Variants in MCPH1 observed in about 807,000 individuals in gnomAD.
MCPH1 encodes the protein microcephalin.
In MCPH1, 104 loss-of-function variants were observed where a neutral mutation model predicts 84.5. That is an observed-to-expected ratio of 1.23 (90% CI 1.05 to 1.45). The LOEUF is 1.45. MCPH1 is among the 40% of genes most tolerant of loss of function. The probability of loss-of-function intolerance (pLI) is 0.00; values close to 1 mark genes in which losing one functional copy is unlikely to be tolerated. For synonymous variants in MCPH1, 514 were observed against 366.8 expected, an observed-to-expected ratio of 1.40 and a Z score of -4.58; for missense variants, 1,498 against 1,005.7, an observed-to-expected ratio of 1.49 and a Z score of -6.62.
At position 6,444,617 on chromosome 8, in the gene MCPH1, GA is replaced by G. The variant is rs778290632; in HGVS notation, c.898del (p.Ile300Ter). 6.2e-7 allele frequency: 1 copy of G among 1,614,146 alleles called. No homozygotes were observed. The highest frequency in any genetic ancestry group is 8.5e-7 in the Non-Finnish European group (1 of 1,180,026). On this transcript the variant is annotated frameshift_variant, in exon 8 of 14. Transcript: ENST00000344683. LOFTEE classifies it high-confidence loss of function. ...QKFLSNLSKE[E>X]INLQRNIAGK... The stretch of plus-strand genomic sequence containing the variant: ...ATTTCTGAGTAATCTTTCAAAGGAA[GA>G]AATAAACTTGCAAAGAAATATTGCA...
At chr8:6,449,813 G>A (rs1385996693) in intron 8 of MCPH1, among the ~76,000 whole-genome samples, 5 of 152,084 alleles carry the variant, frequency 3.3e-5, no homozygotes, top group East Asian at 1.9e-4. Context: ...GTGGAAATGT[G>A]TCCCACCTGA....
chr8:6,612,421 T>G (rs990741544), intron 12 of MCPH1, among the ~76,000 whole-genome samples: 2 of 152,212 alleles, frequency 1.3e-5, no homozygotes, highest in African/African-American at 4.8e-5. Context: ...ACGTGCCGCC[T>G]GGCAGTGCTG....
chr8:6,409,388 C>G lies in MCPH1; in HGVS notation c.114+18C>G, dbSNP rs769726902. The G allele has an allele frequency of 6.4e-7, 1 of 1,565,772 alleles. No homozygotes were observed. The highest frequency in any genetic ancestry group is 1.4e-5 in the African/African-American group (1 of 73,908). The stretch of plus-strand genomic sequence containing the variant: ...GGGCAAAGGTAAGACACTTATTTTG[C>G]TGTTGATTCATATGACAGTCTTCTG... On this transcript the variant is annotated intron_variant, in intron 2 of 13. Transcript: ENST00000344683.
At chr8:6,621,106 C>T (rs374392338) in intron 12 of MCPH1, 3 of 363,960 alleles carry the variant, frequency 8.2e-6, no homozygotes, top group African/African-American at 6.3e-5. Flanking sequence ...TTGCACACGT[C>T]ACCAAGTTAC....
intron 13 of MCPH1, among the ~76,000 whole-genome samples, chr8:6,640,107 T>C (rs80311297): frequency 0.046 from 5,015 of 108,866 alleles, 104 homozygotes; most frequent in African/African-American, 0.075. Flanking sequence ...TGCGCGCGCG[T>C]GTGTGTGTGT....
chr8:6,544,402 G>C (rs1392023652), intron 12 of MCPH1, among the ~76,000 whole-genome samples: 1 of 152,124 alleles, frequency 6.6e-6, no homozygotes, highest in African/African-American at 2.4e-5. Context: ...TATGACTTTG[G>C]GCAAATCACT....
At chr8:6,553,825 TG>T (rs1205794440) in intron 12 of MCPH1, among the ~76,000 whole-genome samples, 1 of 152,106 alleles carries the variant, frequency 6.6e-6, no homozygotes, top group African/African-American at 2.4e-5. Context: ...AAGTCCCACG[TG>T]ATTCAGCCAC....
chr8:6,643,037 A>G lies in MCPH1; in HGVS notation c.2496A>G (p.Leu832=). The change falls in exon 14 of 14, where the codon CTA becomes CTG. Residue 832 remains leucine, a synonymous_variant. Coordinates refer to ENST00000344683, the MANE Select transcript of MCPH1 (RefSeq NM_024596.5). ...AGGTCTGTGCCCCTGAAAACTACCTATTGTCACAATGACAGTGACCTCACT... is the reference window on the plus strand; with the variant it reads ...AGGTCTGTGCCCCTGAAAACTACCTGTTGTCACAATGACAGTGACCTCACT... The part of the protein sequence containing the change: ...QHKVCAPENY[L]LSQ 3 of 1,613,968 alleles carry G rather than the reference A, an allele frequency of 1.9e-6. No homozygotes were observed. The highest frequency in any genetic ancestry group is 3.3e-4 in the Middle Eastern group (2 of 6,060).
intron 9 of MCPH1, among the ~76,000 whole-genome samples, chr8:6,456,629 T>C (rs1805708794): frequency 6.6e-6 from 1 of 151,404 alleles, no homozygotes; most frequent in Non-Finnish European, 1.5e-5. Flanking sequence ...CTCATCTCTA[T>C]TGGTACTCTA....
chr8:6,409,497 G>A, intron 2 of MCPH1, 127 bp downstream of exon 2: 2 of 744,982 alleles, frequency 2.7e-6, no homozygotes, highest in Admixed American at 4.2e-5. Context: ...AGCGGTGGGA[G>A]AAAAAAGAGC....
chr8:6,583,870 A>G (rs1422669607), intron 12 of MCPH1, among the ~76,000 whole-genome samples: 1 of 78,368 alleles, frequency 1.3e-5, no homozygotes, highest in Non-Finnish European at 3.0e-5. Flanking sequence ...TTTTTTTTTA[A>G]GACATATCTT....
At chr8:6,596,494 G>A (rs1169616681) in intron 12 of MCPH1, among the ~76,000 whole-genome samples, 3 of 152,166 alleles carry the variant, frequency 2.0e-5, no homozygotes, top group African/African-American at 7.2e-5. Flanking sequence ...CTGTACACAT[G>A]GCAGCCAAGG....
chr8:6,419,021 G>A (rs1050553366), intron 3 of MCPH1, among the ~76,000 whole-genome samples: 9 of 152,040 alleles, frequency 5.9e-5, no homozygotes, highest in African/African-American at 1.4e-4. Flanking sequence ...ATTCTGCTTC[G>A]TTGTTTTGCT....
intron 12 of MCPH1, among the ~76,000 whole-genome samples, chr8:6,583,464 G>T (rs757463198): frequency 2.6e-5 from 4 of 152,238 alleles, no homozygotes; most frequent in Non-Finnish European, 5.9e-5. Context: ...TGCCATCTGG[G>T]ATGTGCATGT....
At chr8:6,422,642 T>G (rs1800384676) in intron 3 of MCPH1, among the ~76,000 whole-genome samples, 1 of 152,158 alleles carries the variant, frequency 6.6e-6, no homozygotes, top group South Asian at 2.1e-4. Flanking sequence ...CTCAAGGGGC[T>G]CATGCAGACC....
At chr8:6,454,598 C>G (rs1805477932) in intron 8 of MCPH1, among the ~76,000 whole-genome samples, 1 of 152,182 alleles carries the variant, frequency 6.6e-6, no homozygotes, top group Non-Finnish European at 1.5e-5. Flanking sequence ...CCACATTTCA[C>G]TTGAATGAGT....
intron 11 of MCPH1, among the ~76,000 whole-genome samples, chr8:6,492,488 T>C (rs1385206472): frequency 6.6e-6 from 1 of 151,856 alleles, no homozygotes; most frequent in East Asian, 1.9e-4. Flanking sequence ...TTAGATCCCA[T>C]TTATCAATTT....
chr8:6,495,537 A>G (rs1228633128), intron 11 of MCPH1, among the ~76,000 whole-genome samples: 2 of 152,242 alleles, frequency 1.3e-5, no homozygotes, highest in Non-Finnish European at 2.9e-5. Context: ...TACTAAGACA[A>G]AGGATCTATA....
chr8:6,606,689 C>T (rs1829803922), intron 12 of MCPH1, among the ~76,000 whole-genome samples: 1 of 152,204 alleles, frequency 6.6e-6, no homozygotes, highest in Non-Finnish European at 1.5e-5. Flanking sequence ...ACTAATAAAG[C>T]ATCAGCAACC....
Sources: allele counts gnomAD v4.1 joint callset (sites outside exome capture counted in the v4.1 genomes callset), GRCh38; gene constraint gnomAD v4.1.1; transcripts MANE v1.5; gene names NCBI Gene and HGNC (gene_info 2026-07-23, HGNC 2026-07-21).